Variants in AGBL4 observed in about 807,000 individuals in gnomAD.
AGBL4 encodes cytosolic carboxypeptidase 6.
Under a neutral mutation model 66.4 loss-of-function variants are expected in AGBL4, and 58 were observed. The ratio of observed to expected loss-of-function variants is 0.87; its 90% confidence interval spans 0.71 to 1.09. The LOEUF (loss-of-function observed/expected upper bound fraction) is 1.09, where lower values mean the gene tolerates loss of function less well. AGBL4 is among the 50% of genes least tolerant of loss of function. The pLI, the probability that AGBL4 is intolerant of heterozygous loss-of-function variation, is 0.00. For synonymous variants in AGBL4, 234 were observed against 222.9 expected, an observed-to-expected ratio of 1.05 and a Z score of -0.44; for missense variants, 579 against 631.0, an observed-to-expected ratio of 0.92 and a Z score of 0.88.
chr1:49,156,392 T>C (rs950432641), intron 4 of AGBL4, among the ~76,000 whole-genome samples: 1 of 152,186 alleles, frequency 6.6e-6, no homozygotes, highest in Non-Finnish European at 1.5e-5. Context: ...CCAAAATCTC[T>C]AGTGGCTTAA....
intron 1 of AGBL4, among the ~76,000 whole-genome samples, chr1:49,991,913 C>T (rs1261367099): frequency 6.6e-6 from 1 of 152,178 alleles, no homozygotes; most frequent in Non-Finnish European, 1.5e-5. Context: ...ATACTCTACA[C>T]TTAAGTTCCA....
At chr1:50,015,690 G>C (rs1661925384) in intron 1 of AGBL4, among the ~76,000 whole-genome samples, 1 of 151,846 alleles carries the variant, frequency 6.6e-6, no homozygotes, top group Non-Finnish European at 1.5e-5. Flanking sequence ...GCAATTCTAA[G>C]CAAAAACAAA....
chr1:49,228,539 T>C (rs1403459692), intron 4 of AGBL4, among the ~76,000 whole-genome samples: 1 of 152,154 alleles, frequency 6.6e-6, no homozygotes, highest in Admixed American at 6.5e-5. Flanking sequence ...TAAGAAACTT[T>C]CCAGGCAAAG....
At chr1:49,610,704 T>C (rs965809265) in intron 3 of AGBL4, among the ~76,000 whole-genome samples, 7 of 152,166 alleles carry the variant, frequency 4.6e-5, no homozygotes, top group African/African-American at 7.2e-5. Flanking sequence ...AAGAGGTCCT[T>C]ACCAGACACT....
chr1:49,891,121 A>G (rs138494243), intron 1 of AGBL4, among the ~76,000 whole-genome samples: 1,670 of 152,254 alleles, frequency 0.011, 27 homozygotes, highest in African/African-American at 0.039. Context: ...GGCAAAAAGC[A>G]TCAGAGGTAG....
intron 2 of AGBL4, among the ~76,000 whole-genome samples, chr1:49,789,792 G>A (rs1644549358): frequency 6.6e-6 from 1 of 152,030 alleles, no homozygotes; most frequent in African/African-American, 2.4e-5. Flanking sequence ...TCCTCTTCAG[G>A]CTACCATTGA....
intron 1 of AGBL4, among the ~76,000 whole-genome samples, chr1:49,933,816 AG>A (rs1182437895): frequency 3.3e-5 from 5 of 152,146 alleles, no homozygotes; most frequent in African/African-American, 1.2e-4. Flanking sequence ...AAACATTATA[AG>A]AACATCAGCA....
chr1:49,300,131 T>C (rs1324460203), intron 3 of AGBL4, among the ~76,000 whole-genome samples: 1 of 152,202 alleles, frequency 6.6e-6, no homozygotes, highest in Non-Finnish European at 1.5e-5. Context: ...TGAAGGCAAA[T>C]GTTATTCTAC....
At chr1:50,014,295 C>G (rs1181734907) in intron 1 of AGBL4, among the ~76,000 whole-genome samples, 1 of 151,544 alleles carries the variant, frequency 6.6e-6, no homozygotes, top group Non-Finnish European at 1.5e-5. Flanking sequence ...CACTTGAACC[C>G]AGGAGGTGGA....
chr1:49,071,251 T>C lies in AGBL4; in HGVS notation c.378-25451A>G, dbSNP rs1477428524. On this transcript the variant is annotated intron_variant, in intron 4 of 13. Coordinates refer to ENST00000371839, the MANE Select transcript of AGBL4 (RefSeq NM_032785.4). ...TTTGTGTCTCTATCTCCTTCAGTTC[T>C]GTTCTGATCTTAGTTATTTCGTGTC... is the stretch of plus-strand genomic sequence containing the variant. Among the ~76,000 whole-genome samples, 6 of 152,102 alleles carry C rather than the reference T, an allele frequency of 3.9e-5. No individual in the cohort carries two copies. The South Asian group carries it at 8.3e-4, about 21-fold the overall frequency.
In AGBL4 at chr1:49,131,897, C is replaced by A. The variant is rs1225239805; in HGVS notation, c.378-86097G>T. 2.3e-4 allele frequency among the ~76,000 whole-genome samples: 35 copies of A among 151,836 alleles called. 1 individual carries two copies. Among genetic ancestry groups the A allele is most frequent in the Admixed American group, 2.3e-3 (35 of 15,208 alleles). On this transcript the variant is annotated intron_variant, in intron 4 of 13. Coordinates refer to ENST00000371839, the MANE Select transcript of AGBL4 (RefSeq NM_032785.4). The stretch of plus-strand genomic sequence containing the variant: ...CTAATTTTGAATTCTATTTGGAGTG[C>A]CTATAATACATCAAAGACAAGATAT...
intron 3 of AGBL4, among the ~76,000 whole-genome samples, chr1:49,518,033 A>C (rs1266827337): frequency 6.6e-6 from 1 of 152,102 alleles, no homozygotes; most frequent in Admixed American, 6.6e-5. Context: ...ATCATTTGCC[A>C]CATGCAGTCC....
intron 3 of AGBL4, among the ~76,000 whole-genome samples, chr1:49,348,811 TC>T (rs1264869780): frequency 6.6e-6 from 1 of 152,200 alleles, no homozygotes; most frequent in Non-Finnish European, 1.5e-5. Context: ...GTTGCCTGTA[TC>T]AAAAAGGAAT....
At chr1:48,537,039 G>T (rs1310567005) in intron 12 of AGBL4, among the ~76,000 whole-genome samples, 1 of 152,198 alleles carries the variant, frequency 6.6e-6, no homozygotes, top group Non-Finnish European at 1.5e-5. Flanking sequence ...AGAAAACAAA[G>T]ATTAGTTTTG....
chr1:49,779,668 T>G lies in AGBL4; in HGVS notation c.157+71728A>C, dbSNP rs149632144. 2.0e-5 allele frequency among the ~76,000 whole-genome samples: 3 copies of G among 152,152 alleles called. No individual in the cohort carries two copies. In the East Asian group the frequency reaches 5.8e-4, roughly 29 times the overall value. Reference sequence around the variant, plus strand: ...CATGGGAGATCTGAGTCCCTGAAACTCCTTCCCCAAAACGTAAATTAGCTG... The same window carrying G: ...CATGGGAGATCTGAGTCCCTGAAACGCCTTCCCCAAAACGTAAATTAGCTG... On this transcript the variant is annotated intron_variant, in intron 2 of 13. Coordinates refer to ENST00000371839, the MANE Select transcript of AGBL4 (RefSeq NM_032785.4).
chr1:48,774,394 G>A (rs1382209332), intron 6 of AGBL4, among the ~76,000 whole-genome samples: 2 of 152,140 alleles, frequency 1.3e-5, no homozygotes, highest in African/African-American at 2.4e-5. Flanking sequence ...CTGGCCCTTC[G>A]ATCAGGTCTC....
intron 2 of AGBL4, among the ~76,000 whole-genome samples, chr1:49,708,135 C>T (rs532849944): frequency 1.6e-4 from 24 of 152,196 alleles, no homozygotes; most frequent in Non-Finnish European, 2.6e-4. Flanking sequence ...TGGATAATAT[C>T]CTGAAGAGTG....
At chr1:48,678,582 G>A (rs1341394475) in intron 6 of AGBL4, among the ~76,000 whole-genome samples, 1 of 152,160 alleles carries the variant, frequency 6.6e-6, no homozygotes, top group Non-Finnish European at 1.5e-5. Flanking sequence ...GCACATAGTA[G>A]GTACCCCATA....
chr1:49,216,163 G>C (rs141430356), intron 4 of AGBL4, among the ~76,000 whole-genome samples: 10 of 152,288 alleles, frequency 6.6e-5, no homozygotes, highest in Non-Finnish European at 1.5e-4. Context: ...GCAAGGCTAA[G>C]TGGCAATGTC....
Sources: gnomAD v4.1 joint callset for allele counts (sites outside exome capture counted in the v4.1 genomes callset) on GRCh38, gnomAD v4.1.1 for gene constraint, MANE v1.5 for transcripts, NCBI Gene and HGNC (gene_info 2026-07-23, HGNC 2026-07-21) for gene names.